Variants in AFF4 observed in about 807,000 individuals in gnomAD.
AFF4 encodes AF4/FMR2 family member 4.
Under a neutral mutation model 124.8 loss-of-function variants are expected in AFF4, and 13 were observed. The observed-to-expected ratio is 0.10, with a 90% confidence interval of 0.07 to 0.17. AFF4 has a LOEUF of 0.17. AFF4 is among the 10% of genes least tolerant of loss of function. The pLI is 1.00. For missense variants in AFF4, 1,092 were observed against 1,403.8 expected (o/e 0.78, Z 3.55); for synonymous variants, 477 against 496.1 (o/e 0.96, Z 0.51).
intron 5 of AFF4, among the ~76,000 whole-genome samples, chr5:132,925,085 G>A (rs1196532911): frequency 6.6e-6 from 1 of 151,614 alleles, no homozygotes; most frequent in African/African-American, 2.4e-5. Flanking sequence ...TGAGACAGGA[G>A]AATCGCTTGA....
chr5:132,896,913 C>G lies in AFF4; in HGVS notation c.1717G>C (p.Ala573Pro), dbSNP rs1392203849. ...GKKQPKKAEK[A>P]AAEEPRGGLK... ...CCTCCACGAGGCTCTTCAGCAGCTGCCTTCTCAGCCTTTTTGGGTTGTTTT... is the reference window on the plus strand; with the variant it reads ...CCTCCACGAGGCTCTTCAGCAGCTGGCTTCTCAGCCTTTTTGGGTTGTTTT... Residue 573 changes from alanine (A) to proline (P), a missense_variant, in exon 11 of 21, where the codon GCA (alanine) becomes CCA (proline). By Grantham distance (27) the Ala-to-Pro change is conservative. Around this residue, in one of 11 missense-constraint regions of AFF4, gnomAD observed 174 missense variants for 205.9 expected, o/e 0.84. Transcript: ENST00000265343. 1 of 1,614,136 alleles carries G rather than the reference C, an allele frequency of 6.2e-7. No homozygotes were observed. The highest frequency in any genetic ancestry group is 1.1e-5 in the South Asian group (1 of 91,072).
At chr5:132,935,436 G>A (rs529634476) in intron 2 of AFF4, among the ~76,000 whole-genome samples, 1 of 152,264 alleles carries the variant, frequency 6.6e-6, no homozygotes, top group African/African-American at 2.4e-5. Flanking sequence ...GACCAGCCTG[G>A]CCAACATGGT....
At chr5:132,883,119 A>G (rs1335249423) in intron 20 of AFF4, among the ~76,000 whole-genome samples, 2 of 152,148 alleles carry the variant, frequency 1.3e-5, no homozygotes, top group African/African-American at 4.8e-5. Context: ...TCCAAGAACT[A>G]TTTTCAGTTT....
intron 5 of AFF4, among the ~76,000 whole-genome samples, chr5:132,920,877 C>CA (rs1428957039): frequency 6.6e-6 from 1 of 152,004 alleles, no homozygotes; most frequent in Non-Finnish European, 1.5e-5. Context: ...CCTATAATCC[C>CA]AGCACTTTGG....
chr5:132,899,214 T>G lies in AFF4; in HGVS notation c.1189-73A>C, dbSNP rs558691812. The G allele has an allele frequency of 9.4e-5, 135 of 1,432,910 alleles. 1 individual carries two copies. In the South Asian group the frequency reaches 1.5e-3, roughly 16 times the overall value. 88.8% of individuals were successfully genotyped at this position (1,432,910 alleles called of 1,614,324 possible). The stretch of plus-strand genomic sequence containing the variant: ...CTATTTGCTTAGTGTGAATAATATC[T>G]GAACTCTTAACAGAAAAAACTGGAT... On this transcript the variant is annotated intron_variant, in intron 8 of 20. Transcript: ENST00000265343.
chr5:132,919,774 C>A (rs2150087840), intron 5 of AFF4, among the ~76,000 whole-genome samples: 1 of 152,164 alleles, frequency 6.6e-6, no homozygotes, highest in African/African-American at 2.4e-5. Flanking sequence ...CGCTTGAGCC[C>A]AGGAGTCAGA....
chr5:132,938,924 CAG>C (rs143341517), intron 1 of AFF4, among the ~76,000 whole-genome samples: 3,449 of 103,148 alleles, frequency 0.033, 197 homozygotes, highest in African/African-American at 0.12. Flanking sequence ...GCCTGGGCGA[CAG>C]AGAGAGACTC....
intron 5 of AFF4, among the ~76,000 whole-genome samples, chr5:132,909,333 T>C (rs1027415429): frequency 1.3e-5 from 2 of 151,862 alleles, no homozygotes; most frequent in African/African-American, 2.4e-5. Flanking sequence ...TTAGTAGAGA[T>C]GGGGCCGCCA....
chr5:132,954,444 G>C (rs903108134), intron 1 of AFF4, among the ~76,000 whole-genome samples: 3 of 152,188 alleles, frequency 2.0e-5, no homozygotes, highest in Non-Finnish European at 4.4e-5. Context: ...AGAAGCTTTT[G>C]GGTGCCAGCA....
chr5:132,887,006 TG>T (rs1299906463), intron 17 of AFF4, among the ~76,000 whole-genome samples: 1 of 152,250 alleles, frequency 6.6e-6, no homozygotes, highest in African/African-American at 2.4e-5. Context: ...TATGATGATT[TG>T]ATTTCTGTCT....
intron 4 of AFF4, among the ~76,000 whole-genome samples, chr5:132,929,082 A>AT (rs939367870): frequency 2.6e-5 from 4 of 151,696 alleles, no homozygotes; most frequent in South Asian, 4.2e-4. Context: ...TTTAGAGTGA[A>AT]TTTTTTTTTA....
intron 1 of AFF4, among the ~76,000 whole-genome samples, chr5:132,952,418 C>T (rs1761865825): frequency 1.3e-5 from 2 of 152,228 alleles, no homozygotes; most frequent in Admixed American, 1.3e-4. Flanking sequence ...CATTCAGCCA[C>T]TTATCTCTCC....
At chr5:132,890,733 A>G (rs1433852963) in intron 13 of AFF4, among the ~76,000 whole-genome samples, 1 of 152,214 alleles carries the variant, frequency 6.6e-6, no homozygotes, top group Non-Finnish European at 1.5e-5. Context: ...ATTGAAATCA[A>G]AGTGGTAAGG....
At chr5:132,956,500 G>A (rs531411488) in intron 1 of AFF4, among the ~76,000 whole-genome samples, 51 of 151,380 alleles carry the variant, frequency 3.4e-4, no homozygotes, top group African/African-American at 1.1e-3. Flanking sequence ...GTGTGGTGGC[G>A]CACATCTGTA....
At chr5:132,955,103 G>A (rs1761923596) in intron 1 of AFF4, among the ~76,000 whole-genome samples, 1 of 152,150 alleles carries the variant, frequency 6.6e-6, no homozygotes, top group Non-Finnish European at 1.5e-5. Flanking sequence ...GAGCTCAGCT[G>A]TCCCTAGCTG....
At chr5:132,908,041 G>A (rs1760709327) in intron 5 of AFF4, among the ~76,000 whole-genome samples, 1 of 152,044 alleles carries the variant, frequency 6.6e-6, no homozygotes, top group Admixed American at 6.5e-5. Context: ...CTAGAATGGA[G>A]TTAAGGATAC....
At chr5:132,888,327 G>A (rs1166003452) in intron 14 of AFF4, among the ~76,000 whole-genome samples, 167 bp from the exon 15 acceptor site, 1 of 151,754 alleles carries the variant, frequency 6.6e-6, no homozygotes, top group African/African-American at 2.4e-5. Context: ...CAGGTTAAAA[G>A]CATAAGTTGT....
chr5:132,951,562 T>G (rs1280222043), intron 1 of AFF4, among the ~76,000 whole-genome samples: 1 of 152,188 alleles, frequency 6.6e-6, no homozygotes, highest in Non-Finnish European at 1.5e-5. Context: ...GAGTCTCACT[T>G]GGTTCCCCAG....
intron 3 of AFF4, among the ~76,000 whole-genome samples, chr5:132,933,865 A>C (rs1313724001): frequency 6.6e-6 from 1 of 152,234 alleles, no homozygotes. Context: ...CAGAAATCTA[A>C]GATATCAATT....
Sources: allele counts gnomAD v4.1 joint callset (sites outside exome capture counted in the v4.1 genomes callset), GRCh38; gene constraint gnomAD v4.1.1; regional missense constraint gnomAD v4.1.1; transcripts MANE v1.5; gene names NCBI Gene and HGNC (gene_info 2026-07-23, HGNC 2026-07-21).